Variants in PHC2 observed in about 807,000 individuals in gnomAD.
PHC2 encodes the protein polyhomeotic-like protein 2.
In PHC2, 29 loss-of-function variants were observed where a neutral mutation model predicts 87.4. The ratio of observed to expected loss-of-function variants is 0.33; its 90% confidence interval spans 0.25 to 0.45. The LOEUF (loss-of-function observed/expected upper bound fraction) is 0.45, where lower values mean the gene tolerates loss of function less well. Among genes scored for constraint, PHC2 ranks in the 20% least tolerant of loss-of-function variants. PHC2 has a pLI of 1.00. For synonymous variants in PHC2, 438 were observed against 461.7 expected (o/e 0.95, Z 0.66); for missense variants, 857 against 1,136.7 (o/e 0.75, Z 3.54).
chr1:33,406,185 A>T (rs6703844), intron 1 of PHC2, among the ~76,000 whole-genome samples: 151,625 of 152,316 alleles, frequency 1, 75,469 homozygotes, highest in East Asian at 1. Flanking sequence ...TTGATGAATA[A>T]AAATTTAATA....
chr1:33,371,392 A>G (rs1264384243), intron 3 of PHC2, among the ~76,000 whole-genome samples: 4 of 152,008 alleles, frequency 2.6e-5, no homozygotes, highest in African/African-American at 9.7e-5. Flanking sequence ...CCTCCACTCC[A>G]CCACTATCAC....
intron 7 of PHC2, among the ~76,000 whole-genome samples, 189 bp downstream of exon 7, chr1:33,366,927 G>T (rs934714411): frequency 2.0e-5 from 3 of 152,222 alleles, no homozygotes; most frequent in Admixed American, 2.0e-4. Context: ...GCTGCCCTGC[G>T]TAAAGTTAGA....
intron 9 of PHC2, among the ~76,000 whole-genome samples, chr1:33,350,988 T>A (rs1024970138): frequency 1.3e-5 from 2 of 152,224 alleles, no homozygotes; most frequent in Non-Finnish European, 2.9e-5. Context: ...CCACCAGTTC[T>A]TCCTGGAATG....
At chr1:33,376,316 T>C (rs990254757) in intron 1 of PHC2, among the ~76,000 whole-genome samples, 7 of 152,226 alleles carry the variant, frequency 4.6e-5, no homozygotes, top group African/African-American at 1.7e-4. Flanking sequence ...ATTATAGGCA[T>C]GAGCCGCCAT....
Position 33,372,331 on chromosome 1 carries a change from GTGC to G in PHC2, c.288_290del (p.Gln96del). 2 of 1,602,316 alleles carry G rather than the reference GTGC, an allele frequency of 1.2e-6. No homozygotes were observed. Among genetic ancestry groups the G allele is most frequent in the Non-Finnish European group, 1.7e-6 (2 of 1,172,766 alleles). ...GGCTCTGGAGCTGGGCGCTGCTGAG[GTGC>G]TGCTGCTGGAGCGCCGCGGTCTGCA... On this transcript the variant is annotated inframe_deletion, in exon 3 of 15. Coordinates refer to ENST00000683057, the MANE Select transcript of PHC2 (RefSeq NM_001385109.1).
Position 33,325,718 on chromosome 1 carries a change from G to GTGAT in PHC2, c.2426-703_2426-700dup, listed in dbSNP as rs543298179. The GTGAT allele has an allele frequency of 1.3e-3, 473 of 360,850 alleles. 1 individual carries two copies. Among genetic ancestry groups the GTGAT allele is most frequent in the African/African-American group, 9.4e-3 (444 of 47,128 alleles). 22.4% of individuals were successfully genotyped at this position (360,850 alleles called of 1,614,324 possible). A position where few individuals can be genotyped will look rare whatever the true frequency, so the allele number is the denominator to read the frequency against. Reference sequence around the variant, plus strand: ...ACCCACATGGCCCTTGAGATGACAAGTGATTGCTGCTTAAAGTCACTGAGT... The same window carrying GTGAT: ...ACCCACATGGCCCTTGAGATGACAAGTGATTGATTGCTGCTTAAAGTCACTGAGT... On this transcript the variant is annotated intron_variant, in intron 14 of 14. Transcript: ENST00000683057.
intron 1 of PHC2, among the ~76,000 whole-genome samples, chr1:33,421,739 AC>A (rs1650443391): frequency 1.3e-5 from 2 of 152,318 alleles, no homozygotes; most frequent in East Asian, 3.9e-4. Flanking sequence ...CATGCCATTA[AC>A]AAACTGGGGT....
chr1:33,424,027 C>A (rs1424400538), intron 1 of PHC2, among the ~76,000 whole-genome samples: 2 of 66,528 alleles, frequency 3.0e-5, no homozygotes, highest in African/African-American at 1.1e-4. Flanking sequence ...ACCTGGGAGG[C>A]GGAGGTGGTG....
At position 33,369,238 on chromosome 1, in the gene PHC2, T is replaced by C. The variant is rs949234865; in HGVS notation, c.577-616A>G. Among the ~76,000 whole-genome samples, 2 of 152,196 alleles carry C rather than the reference T, an allele frequency of 1.3e-5. No homozygotes were observed. Among genetic ancestry groups the C allele is most frequent in the African/African-American group, 4.8e-5 (2 of 41,446 alleles). ...CCCATCCTGCAGGGTGCAGGATCCA[T>C]GGTGTTCTCTGCATGACACCTCGAC... On this transcript the variant is annotated intron_variant, in intron 5 of 14. Transcript: ENST00000683057. This position sits in a 1 kb window ranked among gnomAD's most constrained non-coding sequence, Gnocchi z 4.7.
chr1:33,359,911 G>A (rs1382662122), intron 7 of PHC2, among the ~76,000 whole-genome samples: 3 of 152,158 alleles, frequency 2.0e-5, no homozygotes, highest in Non-Finnish European at 2.9e-5. Flanking sequence ...AAAGGAGGCA[G>A]TTTTTGGCTG....
At chr1:33,410,468 A>T (rs1339625680) in intron 1 of PHC2, among the ~76,000 whole-genome samples, 1 of 152,246 alleles carries the variant, frequency 6.6e-6, no homozygotes, top group Non-Finnish European at 1.5e-5. Context: ...AGTTGATGAG[A>T]GCACCTAATC....
chr1:33,345,583 T>TA (rs1469961709), intron 9 of PHC2: 1 of 984,268 alleles, frequency 1.0e-6, no homozygotes, highest in African/African-American at 1.7e-5. Flanking sequence ...GTTTATGACT[T>TA]AAATTATATG....
chr1:33,379,115 A>G (rs1648327317), intron 1 of PHC2, among the ~76,000 whole-genome samples: 1 of 151,726 alleles, frequency 6.6e-6, no homozygotes, highest in Non-Finnish European at 1.5e-5. Flanking sequence ...CTTTACAGAA[A>G]AACTGTACAG....
rs145711653 is a variant in PHC2 at position 33,423,132 on chromosome 1, C to G, written c.-55+7844G>C. Among the ~76,000 whole-genome samples, 753 of 152,190 alleles carry G rather than the reference C, an allele frequency of 4.9e-3. 10 individuals are homozygous for G. The highest frequency in any genetic ancestry group is 0.017 in the African/African-American group (709 of 41,502). ...CAGCATTATGGCTCTAGTGTCCCTG[C>G]AGTGAACCCTTACCTCCAACTGCCT... is the stretch of plus-strand genomic sequence containing the variant. On this transcript the variant is annotated intron_variant, in intron 1 of 14. Transcript: ENST00000683057.
chr1:33,337,330 G>A (rs1365137592), intron 9 of PHC2, among the ~76,000 whole-genome samples: 1 of 152,152 alleles, frequency 6.6e-6, no homozygotes, highest in Non-Finnish European at 1.5e-5. Context: ...CACCTTGGAC[G>A]GCTCATTAGT....
chr1:33,424,581 C>T (rs1325228427), intron 1 of PHC2, among the ~76,000 whole-genome samples: 3 of 152,214 alleles, frequency 2.0e-5, no homozygotes, highest in Admixed American at 6.5e-5. Flanking sequence ...AAATTTTAGA[C>T]GCTGGTCTCT....
intron 1 of PHC2, among the ~76,000 whole-genome samples, chr1:33,380,590 C>CAA (rs1648445980): frequency 6.6e-6 from 1 of 152,186 alleles, no homozygotes; most frequent in South Asian, 2.1e-4. Context: ...TTGATGAACA[C>CAA]TGGGGTGGTT....
rs1570487231 is a variant in PHC2 at position 33,364,234 on chromosome 1, C to G, written c.976+2882G>C. ...AACACATTCCTCACTGCCATACCCC[C>G]TCCTACTGGCCCACTGCAAGTCTCC... On this transcript the variant is annotated intron_variant, in intron 7 of 14. Transcript: ENST00000683057. This position sits in a 1 kb window ranked among gnomAD's most constrained non-coding sequence, Gnocchi z 4.1. Among the ~76,000 whole-genome samples the G allele has an allele frequency of 6.6e-6, 1 of 152,122 alleles. No individual in the cohort carries two copies. Among genetic ancestry groups the G allele is most frequent in the African/African-American group, 2.4e-5 (1 of 41,418 alleles).
chr1:33,375,457 C>T lies in PHC2; in HGVS notation c.83G>A (p.Gly28Asp). 6.2e-7 allele frequency: 1 copy of T among 1,612,582 alleles called. No homozygotes were observed. Among genetic ancestry groups the T allele is most frequent in the Middle Eastern group, 1.7e-4 (1 of 6,052 alleles). The change falls in exon 2 of 15, where the codon GGC (glycine) becomes GAC (aspartate). Residue 28 changes from glycine (G) to aspartate (D), a missense_variant. Gly to Asp is a moderately conservative substitution (Grantham distance 94). Transcript: ENST00000683057. ...TCCACCACTGCTGCTGTTGTTGCAG[C>T]CACTGCTGCTACTGGCCCCGCTGGT... ...SSTSGASSSS[G>D]CNNSSSGGSG...
Sources: gnomAD v4.1 joint callset for allele counts (sites outside exome capture counted in the v4.1 genomes callset) on GRCh38, gnomAD v4.1.1 for gene constraint, Gnocchi (gnomAD v3.1) non-coding constraint, MANE v1.5 for transcripts, NCBI Gene and HGNC (gene_info 2026-07-23, HGNC 2026-07-21) for gene names.